The following ARHGAP26 variants were observed in gnomAD, a reference collection of about 807,000 sequenced individuals.
ARHGAP26 encodes the protein Rho GTPase activating protein 26, also known as rho GTPase-activating protein 26.
Under a neutral mutation model 104.8 loss-of-function variants are expected in ARHGAP26, and 38 were observed. The observed-to-expected ratio is 0.36, with a 90% confidence interval of 0.28 to 0.48. ARHGAP26 has a LOEUF of 0.48. ARHGAP26 is among the 20% of genes least tolerant of loss of function. The probability of loss-of-function intolerance (pLI) is 0.99; values close to 1 mark genes in which losing one functional copy is unlikely to be tolerated. For missense variants in ARHGAP26, 704 were observed against 947.9 expected (o/e 0.74, Z 3.38); for synonymous variants, 341 against 340.0 (o/e 1.00, Z -0.03).
chr5:142,957,275 C>T (rs1769416908), intron 11 of ARHGAP26, among the ~76,000 whole-genome samples: 1 of 152,146 alleles, frequency 6.6e-6, no homozygotes, highest in Non-Finnish European at 1.5e-5. Flanking sequence ...ACAGCATTAT[C>T]ATAAAATCTT....
intron 9 of ARHGAP26, among the ~76,000 whole-genome samples, chr5:142,909,308 A>G (rs409509): frequency 0.26 from 39,088 of 152,128 alleles, 6,071 homozygotes; most frequent in East Asian, 0.74. Flanking sequence ...CTCTACAAGC[A>G]TTCCACTTCG....
At chr5:143,198,130 TATTTGTATGTTACTTGAGTGA>T (rs1258058190) in intron 20 of ARHGAP26, among the ~76,000 whole-genome samples, 2 of 152,220 alleles carry the variant, frequency 1.3e-5, no homozygotes, top group African/African-American at 4.8e-5. Flanking sequence ...GCGTCCCTTT[TATTTGTATGTTACTTGAGTGA>T]ATTTGTTTTG....
intron 11 of ARHGAP26, among the ~76,000 whole-genome samples, chr5:142,994,208 C>T (rs533746810): frequency 6.6e-6 from 1 of 152,176 alleles, no homozygotes; most frequent in South Asian, 2.1e-4. Context: ...CATAGAGGAG[C>T]ACGTATAGGT....
At chr5:142,936,709 A>G (rs1002337158) in intron 11 of ARHGAP26, among the ~76,000 whole-genome samples, 4 of 152,200 alleles carry the variant, frequency 2.6e-5, no homozygotes, top group African/African-American at 9.7e-5. Flanking sequence ...AGAACCCAGA[A>G]ATAGACTCAC....
intron 14 of ARHGAP26, 48 bp from the exon 15 acceptor site, chr5:143,054,391 A>C (rs1467585511): frequency 1.5e-6 from 2 of 1,337,146 alleles, no homozygotes; most frequent in East Asian, 2.4e-5. Flanking sequence ...CTTATTTATT[A>C]GTTCCATTTT....
intron 20 of ARHGAP26, among the ~76,000 whole-genome samples, chr5:143,189,411 C>G (rs972691931): frequency 2.0e-5 from 3 of 152,188 alleles, no homozygotes; most frequent in African/African-American, 7.2e-5. Context: ...CCACAGAATC[C>G]AAATTACACC....
intron 10 of ARHGAP26, chr5:142,919,069 G>A (rs1762861441): frequency 5.0e-6 from 2 of 396,474 alleles, no homozygotes; most frequent in Non-Finnish European, 8.9e-6. Flanking sequence ...TTGTGTCCCT[G>A]CCAAAATCAT....
chr5:143,095,894 T>A (rs368338466), intron 17 of ARHGAP26, among the ~76,000 whole-genome samples: 1 of 152,192 alleles, frequency 6.6e-6, no homozygotes, highest in African/African-American at 2.4e-5. Flanking sequence ...CTTCACTCAA[T>A]CTATTGTCAT....
chr5:143,176,680 G>A (rs1011609505), intron 20 of ARHGAP26, among the ~76,000 whole-genome samples: 10 of 152,162 alleles, frequency 6.6e-5, no homozygotes, highest in African/African-American at 2.4e-4. Flanking sequence ...TCATTTTGGA[G>A]CCTGCGGAAG....
intron 20 of ARHGAP26, among the ~76,000 whole-genome samples, chr5:143,151,233 C>G (rs1168331827): frequency 1.3e-5 from 2 of 152,184 alleles, no homozygotes; most frequent in Non-Finnish European, 2.9e-5. Flanking sequence ...CACTACACAC[C>G]TCTGAGAATG....
Position 143,223,007 on chromosome 5 carries a change from C to G in ARHGAP26, c.*561C>G. ...AAACACTGTTTATATAAGATCCAAT[C>G]TCTCACCATCTCTAAAGCAGCCGTT... On this transcript the variant is annotated 3_prime_UTR_variant, in exon 23 of 23. Coordinates refer to ENST00000645722, the MANE Select transcript of ARHGAP26 (RefSeq NM_001135608.3). 4.3e-6 allele frequency: 1 copy of G among 233,170 alleles called. No homozygotes were observed. The highest frequency in any genetic ancestry group is 8.5e-6 in the Non-Finnish European group (1 of 117,756). The allele number at this position is 233,170 out of a possible 1,614,324, so 14.4% of individuals were successfully genotyped here.
chr5:142,906,184 C>G (rs1761078812), intron 8 of ARHGAP26, among the ~76,000 whole-genome samples: 1 of 152,146 alleles, frequency 6.6e-6, no homozygotes, highest in Admixed American at 6.5e-5. Flanking sequence ...TGGTGTCGAC[C>G]TGCCCCTCAG....
At position 142,894,245 on chromosome 5, in the gene ARHGAP26, G is replaced by T; in HGVS notation, c.494G>T (p.Ser165Ile). 6.2e-7 allele frequency: 1 copy of T among 1,613,826 alleles called. No individual in the cohort carries two copies. Among genetic ancestry groups the T allele is most frequent in the Non-Finnish European group, 8.5e-7 (1 of 1,179,828 alleles). ...KKESQLQEADSQVDLVRQHFY... is the reference protein window; with the variant it reads ...KKESQLQEADIQVDLVRQHFY... ...ATTCCATCTTGTTTGTAGGCAGACA[G>T]CCAAGTGGACCTGGTCCGGCAGCAT... Residue 165 changes from serine (S) to isoleucine (I), a missense_variant, in exon 6 of 23, where the codon AGC (serine) becomes ATC (isoleucine). Around this residue, in one of 6 missense-constraint regions of ARHGAP26, gnomAD observed 106 missense variants for 120.5 expected, o/e 0.88. Transcript: ENST00000645722.
chr5:143,097,249 G>A (rs927219891), intron 17 of ARHGAP26, among the ~76,000 whole-genome samples: 1 of 151,658 alleles, frequency 6.6e-6, no homozygotes, highest in African/African-American at 2.4e-5. Context: ...GGCGGCTGAG[G>A]CAGGAGGACC....
At chr5:143,009,100 G>A (rs1026154088) in intron 11 of ARHGAP26, among the ~76,000 whole-genome samples, 3 of 151,946 alleles carry the variant, frequency 2.0e-5, no homozygotes, top group Admixed American at 2.0e-4. Context: ...CGTCAGGATC[G>A]AACCCTGTGG....
chr5:143,154,756 C>T (rs181196329), intron 20 of ARHGAP26, among the ~76,000 whole-genome samples: 11 of 152,350 alleles, frequency 7.2e-5, no homozygotes, highest in Non-Finnish European at 7.3e-5. Context: ...CTGAATCCCA[C>T]AGGGTACCTG....
At chr5:143,155,624 G>A (rs570493655) in intron 20 of ARHGAP26, among the ~76,000 whole-genome samples, 8 of 152,296 alleles carry the variant, frequency 5.3e-5, no homozygotes, top group Non-Finnish European at 8.8e-5. Flanking sequence ...GATCTCTACA[G>A]CCTGTCAGCA....
Position 143,171,912 on chromosome 5 carries a change from A to AT in ARHGAP26, c.1988+24540dup, listed in dbSNP as rs553326526. Reference sequence around the variant, plus strand: ...GATTTGGGATTTGAACTTCCTCTGCATTTTTTTTTGTTTCCTTCCTTTTAT... The same window carrying AT: ...GATTTGGGATTTGAACTTCCTCTGCATTTTTTTTTTGTTTCCTTCCTTTTAT... On this transcript the variant is annotated intron_variant, in intron 20 of 22. Coordinates refer to ENST00000645722, the MANE Select transcript of ARHGAP26 (RefSeq NM_001135608.3). Among the ~76,000 whole-genome samples the AT allele has an allele frequency of 6.3e-4, 95 of 151,174 alleles. 1 individual carries two copies. Among genetic ancestry groups the AT allele is most frequent in the Non-Finnish European group, 3.2e-4 (22 of 67,728 alleles).
At chr5:143,136,602 C>T (rs540313804) in intron 19 of ARHGAP26, among the ~76,000 whole-genome samples, 9 of 152,158 alleles carry the variant, frequency 5.9e-5, no homozygotes, top group Non-Finnish European at 1.0e-4. Context: ...CTATCCAAAC[C>T]GGCATGGAAG....
Sources: gnomAD v4.1 joint callset for allele counts (sites outside exome capture counted in the v4.1 genomes callset) on GRCh38, gnomAD v4.1.1 for gene constraint, gnomAD v4.1.1 regional missense constraint, MANE v1.5 for transcripts, NCBI Gene and HGNC (gene_info 2026-07-23, HGNC 2026-07-21) for gene names.